CCSER1: variants seen among roughly 807,000 people sequenced by gnomAD.
CCSER1 encodes the protein serine-rich coiled-coil domain-containing protein 1.
In CCSER1, 41 loss-of-function variants were observed where a neutral mutation model predicts 82.0. The ratio of observed to expected loss-of-function variants is 0.50; its 90% confidence interval spans 0.39 to 0.65. The LOEUF (loss-of-function observed/expected upper bound fraction) is 0.65, where lower values mean the gene tolerates loss of function less well. Ranked by LOEUF, CCSER1 falls within the 30% of genes least tolerant of loss-of-function variation. The pLI, the probability that CCSER1 is intolerant of heterozygous loss-of-function variation, is 0.00. For synonymous variants in CCSER1, 414 were observed against 383.9 expected (o/e 1.08, Z -0.92); for missense variants, 1,119 against 1,064.2 (o/e 1.05, Z -0.72).
chr4:91,123,499 C>T (rs1404024670), intron 10 of CCSER1, among the ~76,000 whole-genome samples: 4 of 151,618 alleles, frequency 2.6e-5, no homozygotes, highest in Admixed American at 2.6e-4. Context: ...CATGTTATAG[C>T]TGCTAAAGCA....
At chr4:90,798,719 A>T (rs1203292210) in intron 7 of CCSER1, among the ~76,000 whole-genome samples, 9 of 152,090 alleles carry the variant, frequency 5.9e-5, no homozygotes, top group African/African-American at 2.2e-4. Context: ...GATTCAACTG[A>T]CTGGCTTTGT....
chr4:90,549,773 G>A (rs1464373298), intron 5 of CCSER1, among the ~76,000 whole-genome samples: 1 of 151,976 alleles, frequency 6.6e-6, no homozygotes, highest in African/African-American at 2.4e-5. Context: ...GATGTTCCAG[G>A]TAAGTTTGTG....
At chr4:90,591,182 T>C (rs1184810753) in intron 5 of CCSER1, among the ~76,000 whole-genome samples, 1 of 152,146 alleles carries the variant, frequency 6.6e-6, no homozygotes, top group African/African-American at 2.4e-5. Flanking sequence ...TTAAGGAGTA[T>C]TTGGGCTGAG....
At chr4:90,786,833 G>A (rs1290324028) in intron 7 of CCSER1, among the ~76,000 whole-genome samples, 1 of 152,134 alleles carries the variant, frequency 6.6e-6, no homozygotes, top group Non-Finnish European at 1.5e-5. Flanking sequence ...TAGATTGGGG[G>A]CTCATTCCCC....
At chr4:91,021,273 C>A (rs1038971550) in intron 9 of CCSER1, among the ~76,000 whole-genome samples, 8 of 151,954 alleles carry the variant, frequency 5.3e-5, no homozygotes, top group Non-Finnish European at 1.2e-4. Context: ...TGCCAAGAGT[C>A]TGAAATGATA....
chr4:91,526,848 C>A (rs1362004344), intron 10 of CCSER1, among the ~76,000 whole-genome samples: 1 of 152,084 alleles, frequency 6.6e-6, no homozygotes, highest in Non-Finnish European at 1.5e-5. Flanking sequence ...CTGCCTTCGC[C>A]TCCCAAAGTG....
chr4:90,393,793 T>C (rs201100366), intron 3 of CCSER1, among the ~76,000 whole-genome samples: 17,973 of 144,768 alleles, frequency 0.12, 490 homozygotes, highest in Non-Finnish European at 0.17. Flanking sequence ...TTTTTTTTTT[T>C]TGGGACAGGA....
intron 10 of CCSER1, among the ~76,000 whole-genome samples, chr4:91,137,156 C>T (rs1304194666): frequency 1.8e-5 from 2 of 112,470 alleles, no homozygotes; most frequent in Non-Finnish European, 1.8e-5. Flanking sequence ...TGCTATCCCT[C>T]CCCCCTCCCC....
intron 10 of CCSER1, among the ~76,000 whole-genome samples, chr4:91,148,423 C>A (rs1729764057): frequency 6.6e-6 from 1 of 151,972 alleles, no homozygotes; most frequent in Admixed American, 6.6e-5. Flanking sequence ...AAATTCCCTC[C>A]TTCATTTAAT....
chr4:90,336,496 C>T (rs1561051583), intron 3 of CCSER1, among the ~76,000 whole-genome samples: 2 of 152,260 alleles, frequency 1.3e-5, no homozygotes, highest in East Asian at 3.9e-4. Context: ...TCTTCCTAGA[C>T]TTAATTTGAA....
At chr4:91,548,011 G>A (rs528141436) in intron 10 of CCSER1, among the ~76,000 whole-genome samples, 44 of 152,222 alleles carry the variant, frequency 2.9e-4, no homozygotes, top group African/African-American at 9.6e-4. Context: ...TCAAACTCCC[G>A]AGCTCAGGCA....
At chr4:91,266,434 G>A (rs979891699) in intron 10 of CCSER1, among the ~76,000 whole-genome samples, 42 of 152,022 alleles carry the variant, frequency 2.8e-4, no homozygotes, top group East Asian at 1.9e-4. Flanking sequence ...TGTATTTTTA[G>A]TAGAGACGGG....
intron 10 of CCSER1, among the ~76,000 whole-genome samples, chr4:91,479,018 C>T (rs1357838188): frequency 6.6e-6 from 1 of 151,528 alleles, no homozygotes; most frequent in Non-Finnish European, 1.5e-5. Flanking sequence ...TGTAGTAGCA[C>T]AATTGCAAAT....
At chr4:90,230,846 C>G (rs1339078636) in intron 1 of CCSER1, among the ~76,000 whole-genome samples, 1 of 152,202 alleles carries the variant, frequency 6.6e-6, no homozygotes, top group Non-Finnish European at 1.5e-5. Context: ...ACAAACACCT[C>G]TACGCAAATA....
chr4:90,657,746 T>G (rs1335543594), intron 6 of CCSER1, among the ~76,000 whole-genome samples: 1 of 152,204 alleles, frequency 6.6e-6, no homozygotes, highest in Non-Finnish European at 1.5e-5. Flanking sequence ...CTGCTGAAAT[T>G]TTTCATCTTG....
chr4:91,556,905 CAA>C (rs1762433038), intron 10 of CCSER1, among the ~76,000 whole-genome samples: 1 of 151,052 alleles, frequency 6.6e-6, no homozygotes, highest in Non-Finnish European at 1.5e-5. Flanking sequence ...GTCAAAACAA[CAA>C]AGTCACAGCC....
intron 7 of CCSER1, among the ~76,000 whole-genome samples, chr4:90,765,518 C>T (rs1453468169): frequency 2.0e-5 from 3 of 152,206 alleles, no homozygotes; most frequent in East Asian, 1.9e-4. Context: ...TTTAGGATTG[C>T]ATCGTACTCT....
At chr4:90,128,850 C>A (rs949963243) in intron 1 of CCSER1, among the ~76,000 whole-genome samples, 1 of 152,018 alleles carries the variant, frequency 6.6e-6, no homozygotes, top group Admixed American at 6.5e-5. Flanking sequence ...TCTCTCCTCT[C>A]CCTGCCTCAG....
chr4:90,217,498 C>T (rs1194707298), intron 1 of CCSER1, among the ~76,000 whole-genome samples: 1 of 152,146 alleles, frequency 6.6e-6, no homozygotes, highest in Non-Finnish European at 1.5e-5. Context: ...ATGCCCAGCC[C>T]TCTTTAGGGC....
Sources: allele counts gnomAD v4.1 joint callset (sites outside exome capture counted in the v4.1 genomes callset), GRCh38; gene constraint gnomAD v4.1.1; transcripts MANE v1.5; gene names NCBI Gene and HGNC (gene_info 2026-07-23, HGNC 2026-07-21).